The following CR1L variants were observed in gnomAD, a reference collection of about 807,000 sequenced individuals.
CR1L encodes the protein complement component receptor 1-like protein.
A neutral mutation model predicts 62.3 loss-of-function variants in CR1L; 59 were observed. The observed-to-expected ratio is 0.95, with a 90% CI of 0.77 to 1.18. The LOEUF is 1.18. CR1L is among the 50% of genes most tolerant of loss of function. The probability of loss-of-function intolerance (pLI) is 0.00; values close to 1 mark genes in which losing one functional copy is unlikely to be tolerated. For synonymous variants in CR1L, 279 were observed against 248.7 expected (o/e 1.12, Z -1.15); for missense variants, 700 against 702.8 (o/e 1.00, Z 0.04).
intron 11 of CR1L, among the ~76,000 whole-genome samples, chr1:207,718,346 T>C (rs1293976409): frequency 6.6e-6 from 1 of 152,170 alleles, no homozygotes; most frequent in Non-Finnish European, 1.5e-5. Flanking sequence ...GTAGATGCAT[T>C]TGTGGCTGTG....
intron 1 of CR1L, among the ~76,000 whole-genome samples, chr1:207,646,702 C>A (rs576659761): frequency 2.7e-5 from 3 of 110,420 alleles, no homozygotes; most frequent in South Asian, 3.5e-4. Context: ...CAGTGTGAGA[C>A]CCTGTCTCAA....
At chr1:207,649,079 A>T (rs188198409) in intron 1 of CR1L, among the ~76,000 whole-genome samples, 79 of 152,278 alleles carry the variant, frequency 5.2e-4, no homozygotes, top group African/African-American at 1.7e-3. Context: ...TAATTACCTG[A>T]GAGATCCATG....
intron 9 of CR1L, among the ~76,000 whole-genome samples, chr1:207,702,582 CT>C (rs1364715431): frequency 2.6e-5 from 4 of 152,172 alleles, no homozygotes; most frequent in African/African-American, 9.7e-5. Flanking sequence ...AGCAAAAGTA[CT>C]TGAAGGAAAC....
intron 1 of CR1L, among the ~76,000 whole-genome samples, chr1:207,676,454 T>C (rs139846594): frequency 1.1e-4 from 16 of 152,270 alleles, no homozygotes; most frequent in African/African-American, 3.6e-4. Flanking sequence ...AGAAACCCTA[T>C]TGTGAACTGT....
chr1:207,684,840 T>C (rs1663875540), intron 4 of CR1L, among the ~76,000 whole-genome samples: 1 of 152,242 alleles, frequency 6.6e-6, no homozygotes, highest in South Asian at 2.1e-4. Flanking sequence ...ATAACATCTT[T>C]GTCTTACTCT....
At chr1:207,645,562 G>T (rs761768694) in intron 1 of CR1L, among the ~76,000 whole-genome samples, 1 of 152,182 alleles carries the variant, frequency 6.6e-6, no homozygotes, top group Non-Finnish European at 1.5e-5. Flanking sequence ...CGACATTTAC[G>T]CAGGATCTGG....
At chr1:207,707,936 C>A (rs958570839) in intron 9 of CR1L, among the ~76,000 whole-genome samples, 1 of 152,128 alleles carries the variant, frequency 6.6e-6, no homozygotes, top group South Asian at 2.1e-4. Context: ...GTGCCAGGTA[C>A]AGTCCACAAT....
intron 1 of CR1L, among the ~76,000 whole-genome samples, chr1:207,675,275 T>TCAC (rs35222801): frequency 3.3e-5 from 5 of 151,678 alleles, no homozygotes; most frequent in African/African-American, 9.7e-5. Flanking sequence ...CTAGAAATTA[T>TCAC]AGGGTGGGGC....
chr1:207,712,643 G>A (rs1664376730), intron 10 of CR1L, among the ~76,000 whole-genome samples: 1 of 152,196 alleles, frequency 6.6e-6, no homozygotes, highest in Non-Finnish European at 1.5e-5. Context: ...CCTCAGAGGG[G>A]CTGCGTCTCT....
At chr1:207,652,010 A>T (rs1350807280) in intron 1 of CR1L, among the ~76,000 whole-genome samples, 1 of 152,234 alleles carries the variant, frequency 6.6e-6, no homozygotes, top group African/African-American at 2.4e-5. Flanking sequence ...ACATTTACTT[A>T]ATAATCACCT....
intron 1 of CR1L, chr1:207,668,975 C>T (rs1423792694): frequency 6.5e-6 from 1 of 153,036 alleles, no homozygotes; most frequent in Non-Finnish European, 1.4e-5. Flanking sequence ...GAAATTGGTT[C>T]TTCACATTCC....
intron 10 of CR1L, among the ~76,000 whole-genome samples, chr1:207,714,541 A>T (rs1653941844): frequency 6.6e-6 from 1 of 152,096 alleles, no homozygotes; most frequent in Non-Finnish European, 1.5e-5. Flanking sequence ...ACCACTGTCA[A>T]GTGGTATTAT....
intron 10 of CR1L, among the ~76,000 whole-genome samples, chr1:207,714,395 C>A (rs187328655): frequency 6.6e-6 from 1 of 152,150 alleles, no homozygotes; most frequent in African/African-American, 2.4e-5. Flanking sequence ...GCACACCCAA[C>A]AGGAAGAGAG....
At chr1:207,720,105 A>G (rs1456012014) in intron 11 of CR1L, among the ~76,000 whole-genome samples, 1 of 152,204 alleles carries the variant, frequency 6.6e-6, no homozygotes, top group Non-Finnish European at 1.5e-5. Context: ...ATAACTATTA[A>G]CCAGCAGGTT....
chr1:207,705,296 G>A (rs13375038), intron 9 of CR1L, among the ~76,000 whole-genome samples: 17,310 of 152,218 alleles, frequency 0.11, 1,337 homozygotes, highest in East Asian at 0.38. Context: ...TCCAAATAAG[G>A]TCACATCCAC....
intron 10 of CR1L, among the ~76,000 whole-genome samples, chr1:207,713,144 C>CA (rs1229777260): frequency 6.6e-6 from 1 of 152,120 alleles, no homozygotes; most frequent in Non-Finnish European, 1.5e-5. Context: ...AACTCAATAT[C>CA]AGATACAAAC....
At chr1:207,695,980 G>A (rs949708554) in intron 5 of CR1L, among the ~76,000 whole-genome samples, 3 of 152,188 alleles carry the variant, frequency 2.0e-5, no homozygotes, top group African/African-American at 7.2e-5. Context: ...AGATTTGGGT[G>A]GGGACACAGA....
At chr1:207,721,482 T>G (rs370103634) in intron 11 of CR1L, among the ~76,000 whole-genome samples, 3 of 151,432 alleles carry the variant, frequency 2.0e-5, no homozygotes, top group Non-Finnish European at 4.4e-5. Context: ...GAGAATGATG[T>G]TTTCCAATTT....
intron 9 of CR1L, among the ~76,000 whole-genome samples, chr1:207,704,243 A>G (rs983171485): frequency 6.6e-6 from 1 of 152,248 alleles, no homozygotes; most frequent in African/African-American, 2.4e-5. Context: ...TAGCAAGAAC[A>G]CTACAATTAG....
Sources: gnomAD v4.1 joint callset for allele counts (sites outside exome capture counted in the v4.1 genomes callset) on GRCh38, gnomAD v4.1.1 for gene constraint, MANE v1.5 for transcripts, NCBI Gene and HGNC (gene_info 2026-07-23, HGNC 2026-07-21) for gene names.